Variants in HTRA4 observed in about 807,000 individuals in gnomAD.
HTRA4 encodes HtrA serine peptidase 4, also known as serine protease HTRA4.
Under a neutral mutation model 49.1 loss-of-function variants are expected in HTRA4, and 46 were observed. That is an observed-to-expected ratio of 0.94 (90% CI 0.74 to 1.20). The LOEUF (loss-of-function observed/expected upper bound fraction) is 1.20. Ranked by LOEUF, HTRA4 falls within the 50% of genes most tolerant of loss-of-function variation. HTRA4 has a pLI of 0.00. For synonymous variants in HTRA4, 261 were observed against 264.0 expected, an observed-to-expected ratio of 0.99 and a Z score of 0.11; for missense variants, 602 against 636.9, an observed-to-expected ratio of 0.95 and a Z score of 0.59.
chr8:38,976,506 C>G (rs779700150), intron 2 of HTRA4, 29 bp from the exon 3 acceptor site: 1 of 1,610,796 alleles, frequency 6.2e-7, no homozygotes, highest in Non-Finnish European at 8.5e-7. Context: ...TTCTTGCCCT[C>G]TGTTTACACT....
chr8:38,975,077 C>G lies in HTRA4; in HGVS notation c.513C>G (p.Ala171=), dbSNP rs752563810. ...TCAGGAGGAATTACAACTTCATCGC[C>G]GCGGTGGTGGAGAAGGTGGCGCCAT... ...GPLRRNYNFI[A]AVVEKVAPSV... is the part of the protein sequence containing the mutation. Residue 171 remains alanine (A), a synonymous_variant, in exon 2 of 9, where the codon GCC becomes GCG. Coordinates refer to ENST00000302495, the MANE Select transcript of HTRA4 (RefSeq NM_153692.4). 2.5e-6 allele frequency: 4 copies of G among 1,613,888 alleles called. No individual in the cohort carries two copies. Among genetic ancestry groups the G allele is most frequent in the Admixed American group, 1.7e-5 (1 of 59,994 alleles).
chr8:38,985,117 C>T (rs1459303634), intron 8 of HTRA4, among the ~76,000 whole-genome samples: 4 of 151,490 alleles, frequency 2.6e-5, no homozygotes, highest in Non-Finnish European at 5.9e-5. Context: ...AGAGAGGTGG[C>T]TTGTCCTACA....
rs765069804 is a variant in HTRA4, at chr8:38,976,584, A to G, written c.616A>G (p.Ile206Val). ...LVPVYSGSGFIVSEDGLIITN... is the reference protein window; with the variant it reads ...LVPVYSGSGFVVSEDGLIITN... The stretch of plus-strand genomic sequence containing the variant: ...TCCTGTGTACAGTGGCTCTGGGTTC[A>G]TAGTGTCTGAGGACGGGCTCATTAT... The change falls in exon 3 of 9, where the codon ATA becomes GTA. Residue 206 changes from isoleucine (I) to valine (V), a missense_variant. Coordinates refer to ENST00000302495, the MANE Select transcript of HTRA4 (RefSeq NM_153692.4). 1 of 1,614,122 alleles carries G rather than the reference A, an allele frequency of 6.2e-7. No individual in the cohort carries two copies. The highest frequency in any genetic ancestry group is 1.7e-5 in the Admixed American group (1 of 60,020).
rs781338959 is a variant in HTRA4 at position 38,974,356 on chromosome 8, T to C, written c.93T>C (p.Ala31=). 2 of 1,608,674 alleles carry C rather than the reference T, an allele frequency of 1.2e-6. No individual in the cohort carries two copies. Among genetic ancestry groups the C allele is most frequent in the East Asian group, 4.5e-5 (2 of 44,682 alleles). The change falls in exon 1 of 9, where the codon GCT becomes GCC. Residue 31 remains alanine, a synonymous_variant. Coordinates refer to ENST00000302495, the MANE Select transcript of HTRA4 (RefSeq NM_153692.4). ...TGGTGCCCGTCCTCTGGGCCGGGGC[T>C]GAAAAGCTACATACCCAGCCCTCCT... ...LLLVPVLWAG[A]EKLHTQPSCP... is the part of the protein sequence containing the mutation.
intron 3 of HTRA4, among the ~76,000 whole-genome samples, chr8:38,977,207 A>G (rs1278277764): frequency 2.7e-5 from 4 of 150,466 alleles, no homozygotes; most frequent in African/African-American, 9.8e-5. Context: ...AAGTGCTGGG[A>G]TTACAGGTGT....
In HTRA4 at chr8:38,988,125, T is replaced by TAAA. The variant is rs373559742; in HGVS notation, c.*38_*40dup. 99,398 of 1,321,336 alleles carry TAAA rather than the reference T, an allele frequency of 0.075. 1,621 individuals carry two copies. The highest frequency in any genetic ancestry group is 0.17 in the East Asian group (6,031 of 35,706). 81.9% of individuals were successfully genotyped at this position (1,321,336 alleles called of 1,614,324 possible). On this transcript the variant is annotated 3_prime_UTR_variant, in exon 9 of 9. Coordinates refer to ENST00000302495, the MANE Select transcript of HTRA4 (RefSeq NM_153692.4). The stretch of plus-strand genomic sequence containing the variant: ...TATCTTGTTTTAAAGTGGGATTATC[T>TAAA]AAAAAAAAAAAAACCAGTTATATCA...
At position 38,977,753 on chromosome 8, in the gene HTRA4, A is replaced by G. The variant is rs574314496; in HGVS notation, c.772-200A>G. On this transcript the variant is annotated intron_variant, in intron 3 of 8. Coordinates refer to ENST00000302495, the MANE Select transcript of HTRA4 (RefSeq NM_153692.4). ...ATGATCCTAGTCATCTTAACACTCA[A>G]GAGCTTCATGGTAGTTGGACTTTGA... Among the ~76,000 whole-genome samples the G allele has an allele frequency of 3.9e-5, 6 of 152,290 alleles. 1 individual carries two copies. In the South Asian group the frequency reaches 1.0e-3, roughly 26 times the overall value.
chr8:38,985,522 A>G (rs1835473830), intron 8 of HTRA4, among the ~76,000 whole-genome samples: 1 of 152,050 alleles, frequency 6.6e-6, no homozygotes, highest in Non-Finnish European at 1.5e-5. Context: ...ATCTGTTTAG[A>G]TTATGGCACC....
chr8:38,974,479 C>T lies in HTRA4; in HGVS notation c.216C>T (p.Cys72=). 1 of 1,523,886 alleles carries T rather than the reference C, an allele frequency of 6.6e-7. No homozygotes were observed. Among genetic ancestry groups the T allele is most frequent in the Non-Finnish European group, 8.8e-7 (1 of 1,141,996 alleles). 94.4% of individuals were successfully genotyped at this position (1,523,886 alleles called of 1,614,324 possible). A position where few individuals can be genotyped will look rare whatever the true frequency, so the allele number is the denominator to read the frequency against. Residue 72 remains cysteine (C), a synonymous_variant, in exon 1 of 9, where the codon TGC becomes TGT. Coordinates refer to ENST00000302495, the MANE Select transcript of HTRA4 (RefSeq NM_153692.4). ...VFDLCRCCRV[C]PAAEREVCGG... ...ACCTGTGCCGCTGTTGCCGCGTCTG[C>T]CCCGCGGCCGAGCGTGAAGTCTGCG...
chr8:38,984,185 G>A (rs1001061892), intron 8 of HTRA4, among the ~76,000 whole-genome samples: 2 of 151,824 alleles, frequency 1.3e-5, no homozygotes, highest in Non-Finnish European at 2.9e-5. Context: ...ATTTTTAGTA[G>A]AGACAGGGTT....
chr8:38,979,017 G>A (rs1385096238), intron 4 of HTRA4, among the ~76,000 whole-genome samples, 198 bp from the exon 5 acceptor site: 1 of 150,732 alleles, frequency 6.6e-6, no homozygotes, highest in Non-Finnish European at 1.5e-5. Flanking sequence ...AAAAATGAAG[G>A]TGGTGGTCCC....
At chr8:38,984,623 C>A (rs1253242444) in intron 8 of HTRA4, among the ~76,000 whole-genome samples, 1 of 152,020 alleles carries the variant, frequency 6.6e-6, no homozygotes, top group African/African-American at 2.4e-5. Context: ...GTGTCGCATG[C>A]CTGTAATCCC....
In HTRA4 at chr8:38,974,582, G is replaced by A. The variant is rs1187956207; in HGVS notation, c.319G>A (p.Gly107Ser). The change falls in exon 1 of 9, where the codon GGT (glycine) becomes AGT (serine). Residue 107 changes from glycine to serine, a missense_variant. By Grantham distance (56) the Gly-to-Ser change is moderately conservative. Transcript: ENST00000302495. Reference protein sequence around the residue: ...PLRPGFPSTCGCPTLGGAVCG... With the variant: ...PLRPGFPSTCSCPTLGGAVCG... ...GCGCCCCGGGTTCCCCAGCACCTGC[G>A]GTTGCCCGACGCTGGGAGGGGCCGT... 2 of 1,424,162 alleles carry A rather than the reference G, an allele frequency of 1.4e-6. No homozygotes were observed. The highest frequency in any genetic ancestry group is 1.8e-6 in the Non-Finnish European group (2 of 1,094,996). The allele number at this position is 1,424,162 out of a possible 1,614,324, so 88.2% of individuals were successfully genotyped here.
At chr8:38,978,363 T>C (rs1259838950) in intron 4 of HTRA4, among the ~76,000 whole-genome samples, 1 of 152,226 alleles carries the variant, frequency 6.6e-6, no homozygotes, top group Non-Finnish European at 1.5e-5. Context: ...CTGGATTGCA[T>C]GTTCCTTATA....
At chr8:38,985,318 G>A (rs958092027) in intron 8 of HTRA4, among the ~76,000 whole-genome samples, 3 of 151,934 alleles carry the variant, frequency 2.0e-5, no homozygotes, top group Admixed American at 1.3e-4. Context: ...GTGCCACCAC[G>A]CGCAGCTAAT....
chr8:38,980,838 C>T (rs1187526565), intron 5 of HTRA4, among the ~76,000 whole-genome samples: 1 of 152,024 alleles, frequency 6.6e-6, no homozygotes, highest in East Asian at 1.9e-4. Context: ...ATATTTTCTA[C>T]CTCATACCTT....
At chr8:38,985,225 A>ACTCCACTCACTGCACTC (rs1936832458) in intron 8 of HTRA4, among the ~76,000 whole-genome samples, 1 of 138,636 alleles carries the variant, frequency 7.2e-6, no homozygotes, top group Non-Finnish European at 1.5e-5. Flanking sequence ...CAGTGATGCG[A>ACTCCACTCACTGCACTC]TCTCGGCTCA....
intron 4 of HTRA4, among the ~76,000 whole-genome samples, 193 bp downstream of exon 4, chr8:38,978,340 G>A (rs956979027): frequency 1.3e-5 from 2 of 152,162 alleles, no homozygotes; most frequent in East Asian, 1.9e-4. Context: ...TGTGAACTGC[G>A]CATGCAAGGG....
chr8:38,985,713 G>A (rs1044068920), intron 8 of HTRA4, among the ~76,000 whole-genome samples: 2 of 152,024 alleles, frequency 1.3e-5, no homozygotes, highest in Non-Finnish European at 2.9e-5. Flanking sequence ...TATTTCTTTC[G>A]GCTAAGTCCT....
Sources: gnomAD v4.1 joint callset for allele counts (sites outside exome capture counted in the v4.1 genomes callset) on GRCh38, gnomAD v4.1.1 for gene constraint, MANE v1.5 for transcripts, NCBI Gene and HGNC (gene_info 2026-07-23, HGNC 2026-07-21) for gene names.